The following DNAJC21 variants were observed in gnomAD, a reference collection of about 807,000 sequenced individuals.
DNAJC21 encodes the protein dnaJ homolog subfamily C member 21.
In DNAJC21, 63 loss-of-function variants were observed where a neutral mutation model predicts 72.4. The ratio of observed to expected loss-of-function variants is 0.87; its 90% CI spans 0.71 to 1.07. The LOEUF is 1.07. Among genes scored for constraint, DNAJC21 ranks in the 50% least tolerant of loss-of-function variants. The pLI is 0.00. For synonymous variants in DNAJC21, 203 were observed against 216.7 expected (o/e 0.94, Z 0.56); for missense variants, 634 against 644.8 (o/e 0.98, Z 0.18).
intron 9 of DNAJC21, among the ~76,000 whole-genome samples, chr5:34,947,112 A>C (rs1765197301): frequency 6.6e-6 from 1 of 152,152 alleles, no homozygotes. Context: ...TTGAAACTTG[A>C]GATTGGGGAA....
intron 5 of DNAJC21, 59 bp downstream of exon 5, chr5:34,937,689 G>C: frequency 6.5e-7 from 1 of 1,540,690 alleles, no homozygotes; most frequent in Middle Eastern, 2.3e-4. Flanking sequence ...GGCAGCACCA[G>C]AGGTACCTTA....
At chr5:34,949,564 T>C (rs915430491) in intron 9 of DNAJC21, 2 of 1,560,812 alleles carry the variant, frequency 1.3e-6, no homozygotes, top group African/African-American at 2.7e-5. Context: ...CAAAGATTCA[T>C]ATCTGCCTGC....
chr5:34,958,957 G>A lies in DNAJC21; in HGVS notation c.*4243G>A, dbSNP rs1765609094. On this transcript the variant is annotated 3_prime_UTR_variant, in exon 12 of 12. Coordinates refer to ENST00000648817, the MANE Select transcript of DNAJC21 (RefSeq NM_001012339.3). ...CATTTAGCTTAATAAAAGATAGCTG[G>A]CCTCTCATACCTGCTTCTGCAGTCT... is the stretch of plus-strand genomic sequence containing the variant. 6.6e-6 allele frequency: 1 copy of A among 152,108 alleles called. No individual in the cohort carries two copies. Among genetic ancestry groups the A allele is most frequent in the Non-Finnish European group, 1.5e-5 (1 of 68,032 alleles). The allele number at this position is 152,108 out of a possible 1,614,324, so 9.4% of individuals were successfully genotyped here. A position where few individuals can be genotyped will look rare whatever the true frequency, so the allele number is the denominator to read the frequency against.
chr5:34,931,194 A>G (rs1269336251), intron 1 of DNAJC21, among the ~76,000 whole-genome samples: 1 of 152,174 alleles, frequency 6.6e-6, no homozygotes, highest in Non-Finnish European at 1.5e-5. Context: ...GGAGTGAGAG[A>G]TAGAGGTGTG....
Position 34,958,548 on chromosome 5 carries a change from A to G in DNAJC21, c.*3834A>G, listed in dbSNP as rs1765598271. 1 of 152,260 alleles carries G rather than the reference A, an allele frequency of 6.6e-6. No homozygotes were observed. The highest frequency in any genetic ancestry group is 1.5e-5 in the Non-Finnish European group (1 of 68,048). 9.4% of individuals were successfully genotyped at this position (152,260 alleles called of 1,614,324 possible). ...GACACAAAAGCATACACAGGAAAAA[A>G]TGATGCATAAAAACATGGCTTCTGT... is the stretch of plus-strand genomic sequence containing the variant. On this transcript the variant is annotated 3_prime_UTR_variant, in exon 12 of 12. Transcript: ENST00000648817.
chr5:34,937,368 CAA>C lies in DNAJC21; in HGVS notation c.484_485del (p.Lys162GlufsTer9), dbSNP rs1199747580. On this transcript the variant is annotated frameshift_variant, in exon 5 of 12. Transcript: ENST00000648817. LOFTEE classifies it high-confidence loss of function. Reference sequence around the variant, plus strand: ...CGCTTATTGGCAGAGTTTCTGCACTCAAAAGAATTTTGCATGGAAGGAAGAAT... The same window carrying C: ...CGCTTATTGGCAGAGTTTCTGCACTCAAGAATTTTGCATGGAAGGAAGAAT... ...FYAYWQSFCT[Q>X]KNFAWKEEYD... The C allele has an allele frequency of 6.2e-7, 1 of 1,613,396 alleles. No individual in the cohort carries two copies. The highest frequency in any genetic ancestry group is 1.3e-5 in the African/African-American group (1 of 74,730).
chr5:34,935,893 A>G (rs1001427581), intron 3 of DNAJC21, 60 bp downstream of exon 3: 2 of 1,600,760 alleles, frequency 1.2e-6, no homozygotes, highest in East Asian at 2.2e-5. Flanking sequence ...ACTCACATAC[A>G]AAGAGAATTC....
At chr5:34,944,786 T>G in intron 7 of DNAJC21, 81 bp from the exon 8 acceptor site, 2 of 1,557,452 alleles carry the variant, frequency 1.3e-6, no homozygotes, top group South Asian at 1.2e-5. Context: ...TAATTTTATC[T>G]TGGTTGCAGT....
At chr5:34,945,928 T>G in intron 9 of DNAJC21, 125 bp downstream of exon 9, 1 of 661,146 alleles carries the variant, frequency 1.5e-6, no homozygotes, top group Non-Finnish European at 2.4e-6. Context: ...GATTGTAAGA[T>G]TGATTAAAAA....
At chr5:34,936,981 C>T (rs564479301) in intron 4 of DNAJC21, among the ~76,000 whole-genome samples, 4 of 152,204 alleles carry the variant, frequency 2.6e-5, no homozygotes, top group African/African-American at 9.6e-5. Flanking sequence ...AAACTCCTGA[C>T]CTCAGGTGAT....
rs759767977 is a variant in DNAJC21 at position 34,938,924 on chromosome 5, G to A, written c.810G>A (p.Glu270=). 6.2e-7 allele frequency: 1 copy of A among 1,614,186 alleles called. No homozygotes were observed. The highest frequency in any genetic ancestry group is 1.1e-5 in the South Asian group (1 of 91,072). Residue 270 remains glutamate, a synonymous_variant, in exon 6 of 12, where the codon GAG becomes GAA. Coordinates refer to ENST00000648817, the MANE Select transcript of DNAJC21 (RefSeq NM_001012339.3). ...TMANLEKELQ[E]MEARYEKEFG... ...CCAATTTGGAGAAAGAGCTCCAGGA[G>A]ATGGAGGCACGGTACGAGAAGGAGT...
In DNAJC21 at chr5:34,954,612, T is replaced by C; in HGVS notation, c.1494T>C (p.Phe498=). The C allele has an allele frequency of 6.2e-7, 1 of 1,613,682 alleles. No individual in the cohort carries two copies. The highest frequency in any genetic ancestry group is 8.5e-7 in the Non-Finnish European group (1 of 1,179,858). The stretch of plus-strand genomic sequence containing the variant: ...AATTTCCATCTCGGAATAAACTTTT[T>C]GACCATCTAAAGGCCACAGGTCATG... ...HSEFPSRNKL[F]DHLKATGHAR... Residue 498 remains phenylalanine (F), a synonymous_variant, in exon 12 of 12, where the codon TTT becomes TTC. Coordinates refer to ENST00000648817, the MANE Select transcript of DNAJC21 (RefSeq NM_001012339.3).
chr5:34,935,524 A>G (rs1253014197), intron 2 of DNAJC21, among the ~76,000 whole-genome samples, 186 bp from the exon 3 acceptor site: 1 of 152,182 alleles, frequency 6.6e-6, no homozygotes, highest in Middle Eastern at 3.2e-3. Context: ...AGGCCTAGTT[A>G]TAATTAACAG....
At chr5:34,943,200 A>G (rs1310456612) in intron 7 of DNAJC21, among the ~76,000 whole-genome samples, 1 of 152,234 alleles carries the variant, frequency 6.6e-6, no homozygotes, top group Admixed American at 6.5e-5. Flanking sequence ...CCAATCAATT[A>G]TTTATTAATA....
chr5:34,942,647 T>G (rs186263058), intron 7 of DNAJC21, among the ~76,000 whole-genome samples: 1 of 152,368 alleles, frequency 6.6e-6, no homozygotes, highest in Non-Finnish European at 1.5e-5. Flanking sequence ...ACTAACGTTT[T>G]GCACAATTTG....
rs367908187 is a variant in DNAJC21, at chr5:34,936,223, A to C, written c.395A>C (p.Asp132Ala). The part of the protein sequence containing the change: ...ELESVLEEEV[D>A]DFPTFGDSQS... ...GAATCTGTGTTAGAGGAAGAGGTTG[A>C]TGATTTCCCAACTTTTGGAGACTCC... The change falls in exon 4 of 12, where the codon GAT becomes GCT. Residue 132 changes from aspartate to alanine, a missense_variant. Physicochemically the swap from Asp to Ala is moderately radical, Grantham distance 126. Coordinates refer to ENST00000648817, the MANE Select transcript of DNAJC21 (RefSeq NM_001012339.3). The C allele has an allele frequency of 6.2e-7, 1 of 1,614,008 alleles. No homozygotes were observed. Among genetic ancestry groups the C allele is most frequent in the Non-Finnish European group, 8.5e-7 (1 of 1,180,018 alleles).
At chr5:34,951,543 T>TC in intron 10 of DNAJC21, 1 of 979,042 alleles carries the variant, frequency 1.0e-6, no homozygotes, top group Non-Finnish European at 1.2e-6. Context: ...TTTTTTTTTT[T>TC]TGGAGATGGA....
Position 34,950,275 on chromosome 5 carries a change from C to T in DNAJC21, c.1291C>T (p.Pro431Ser), listed in dbSNP as rs771340463. The T allele has an allele frequency of 1.2e-5, 19 of 1,613,524 alleles. No individual in the cohort carries two copies. The highest frequency in any genetic ancestry group is 2.7e-5 in the African/African-American group (2 of 74,846). ...QDSAKELEDS[P>S]QENVSVTEII... ...CAGTGCCAAAGAATTGGAAGATAGT[C>T]CCCAGGAAAATGTCAGTGTCACAGA... The change falls in exon 10 of 12, where the codon CCC (proline) becomes TCC (serine). Residue 431 changes from proline to serine, a missense_variant. By Grantham distance (74) the Pro-to-Ser change is moderately conservative. Transcript: ENST00000648817.
intron 9 of DNAJC21, among the ~76,000 whole-genome samples, chr5:34,948,346 A>G (rs1275835989): frequency 6.6e-6 from 1 of 152,134 alleles, no homozygotes; most frequent in Non-Finnish European, 1.5e-5. Context: ...GAAATACCTG[A>G]TTTCAGGGCT....
Sources: gnomAD v4.1 joint callset for allele counts (sites outside exome capture counted in the v4.1 genomes callset) on GRCh38, gnomAD v4.1.1 for gene constraint, MANE v1.5 for transcripts, NCBI Gene and HGNC (gene_info 2026-07-23, HGNC 2026-07-21) for gene names.